Variants in NRXN3 observed in about 807,000 individuals in gnomAD.
NRXN3 encodes the protein neurexin 3, also known as neurexin III.
Under a neutral mutation model 137.6 loss-of-function variants are expected in NRXN3, and 32 were observed. The ratio of observed to expected loss-of-function variants is 0.23; its 90% confidence interval spans 0.18 to 0.31. The LOEUF is 0.31. Among genes scored for constraint, NRXN3 ranks in the 10% least tolerant of loss-of-function variants. The probability of loss-of-function intolerance (pLI) is 1.00; values close to 1 mark genes in which losing one functional copy is unlikely to be tolerated. For missense variants in NRXN3, 1,574 were observed against 2,062.5 expected, an observed-to-expected ratio of 0.76 and a Z score of 4.59; for synonymous variants, 798 against 784.5, an observed-to-expected ratio of 1.02 and a Z score of -0.29.
intron 15 of NRXN3, among the ~76,000 whole-genome samples, chr14:79,155,220 CCAATCA>C (rs1163919239): frequency 6.6e-6 from 1 of 151,862 alleles, no homozygotes; most frequent in Non-Finnish European, 1.5e-5. Context: ...AATGAAAGGA[CCAATCA>C]CAAGAAACTC....
intron 8 of NRXN3, among the ~76,000 whole-genome samples, chr14:78,760,034 C>CTTTTTTTTT (rs61320632): frequency 3.5e-5 from 3 of 86,732 alleles, no homozygotes; most frequent in Admixed American, 1.3e-4. Flanking sequence ...AGCCTGCAGT[C>CTTTTTTTTT]TTTTTTTTTT....
intron 6 of NRXN3, among the ~76,000 whole-genome samples, chr14:78,702,594 C>T (rs1048067008): frequency 2.0e-5 from 3 of 151,696 alleles, no homozygotes; most frequent in Non-Finnish European, 4.4e-5. Flanking sequence ...ACAGGCATAC[C>T]GCACCATACC....
At chr14:79,091,327 A>C (rs2049141297) in intron 15 of NRXN3, among the ~76,000 whole-genome samples, 2 of 152,172 alleles carry the variant, frequency 1.3e-5, no homozygotes. Flanking sequence ...TTGATCTAAC[A>C]GGTAATAAGA....
At chr14:79,232,251 T>TGC (rs912528397) in intron 15 of NRXN3, among the ~76,000 whole-genome samples, 16 of 152,192 alleles carry the variant, frequency 1.1e-4, no homozygotes, top group African/African-American at 3.9e-4. Context: ...TTTGTGTGTG[T>TGC]GCGCGCGCAC....
chr14:79,306,338 T>G (rs1300562115), intron 15 of NRXN3, among the ~76,000 whole-genome samples: 1 of 152,070 alleles, frequency 6.6e-6, no homozygotes, highest in African/African-American at 2.4e-5. Flanking sequence ...TATGCTTCAT[T>G]ATAATGCCAC....
At chr14:79,453,944 C>G (rs1029856202) in intron 15 of NRXN3, among the ~76,000 whole-genome samples, 1 of 152,118 alleles carries the variant, frequency 6.6e-6, no homozygotes, top group Non-Finnish European at 1.5e-5. Flanking sequence ...TCTAAATCCC[C>G]ATGGTCACAC....
chr14:79,047,987 T>C (rs1434065472), intron 15 of NRXN3, among the ~76,000 whole-genome samples: 3 of 152,160 alleles, frequency 2.0e-5, no homozygotes, highest in East Asian at 1.9e-4. Flanking sequence ...TCACATTAGC[T>C]CTTTAATAGT....
At chr14:79,849,918 G>A (rs906703709) in intron 20 of NRXN3, among the ~76,000 whole-genome samples, 10 of 152,094 alleles carry the variant, frequency 6.6e-5, no homozygotes, top group African/African-American at 1.9e-4. Context: ...TGCAGGGCTC[G>A]TTTTGTAATG....
At chr14:79,812,944 C>A (rs2099239528) in intron 20 of NRXN3, among the ~76,000 whole-genome samples, 1 of 151,958 alleles carries the variant, frequency 6.6e-6, no homozygotes, top group African/African-American at 2.4e-5. Context: ...GGGATTTATT[C>A]TTTTTATTCT....
chr14:79,765,949 C>G (rs1156761397), intron 19 of NRXN3, among the ~76,000 whole-genome samples: 1 of 152,166 alleles, frequency 6.6e-6, no homozygotes, highest in African/African-American at 2.4e-5. Context: ...CACACATGTG[C>G]ATTGACATGT....
intron 16 of NRXN3, among the ~76,000 whole-genome samples, chr14:79,516,765 T>C (rs1341412864): frequency 6.6e-6 from 1 of 152,192 alleles, no homozygotes; most frequent in Non-Finnish European, 1.5e-5. Flanking sequence ...ATACTGTATA[T>C]ATAATTCTGC....
intron 16 of NRXN3, among the ~76,000 whole-genome samples, chr14:79,615,751 TGGGGAACC>T (rs1166422146): frequency 1.3e-5 from 2 of 152,142 alleles, no homozygotes; most frequent in Non-Finnish European, 2.9e-5. Flanking sequence ...AAGAACTGCT[TGGGGAACC>T]GTCCCCATGA....
intron 4 of NRXN3, among the ~76,000 whole-genome samples, chr14:78,515,252 C>T (rs915653140): frequency 6.6e-6 from 1 of 152,144 alleles, no homozygotes; most frequent in Admixed American, 6.5e-5. Flanking sequence ...GGATGCTCAT[C>T]TTCGACCTGG....
intron 6 of NRXN3, among the ~76,000 whole-genome samples, chr14:78,692,028 TAA>T (rs961927308): frequency 9.9e-5 from 15 of 152,216 alleles, no homozygotes; most frequent in Non-Finnish European, 8.8e-5. Context: ...CCTATAAATT[TAA>T]TTATGTACTA....
intron 4 of NRXN3, chr14:78,602,448 T>C (rs1342255113): frequency 6.6e-6 from 1 of 152,228 alleles, no homozygotes; most frequent in Admixed American, 6.5e-5. Flanking sequence ...TTATTACTGA[T>C]GGCAGCAGAG....
Position 78,633,209 on chromosome 14 carries a change from C to T in NRXN3, c.758-11911C>T, listed in dbSNP as rs187232247. 2.1e-4 allele frequency among the ~76,000 whole-genome samples: 28 copies of T among 136,288 alleles called. No individual in the cohort carries two copies. The East Asian group carries it at 5.9e-3, about 29-fold the overall frequency. 89.4% of individuals were successfully genotyped at this position (136,288 alleles called of 152,430 possible). A position where few individuals can be genotyped will look rare whatever the true frequency, so the allele number is the denominator to read the frequency against. On this transcript the variant is annotated intron_variant, in intron 4 of 20. Coordinates refer to ENST00000335750, the MANE Select transcript of NRXN3 (RefSeq NM_001330195.2). Reference sequence around the variant, plus strand: ...GGCAGAGCTTGCAGTGAGCCAAGATCGCGCCACTGCACTCAGCCTGGGCTA... The same window carrying T: ...GGCAGAGCTTGCAGTGAGCCAAGATTGCGCCACTGCACTCAGCCTGGGCTA...
intron 8 of NRXN3, among the ~76,000 whole-genome samples, chr14:78,772,844 T>C (rs2098732734): frequency 6.6e-6 from 1 of 152,210 alleles, no homozygotes. Context: ...TTTAAAATTT[T>C]GTTGAAAATG....
chr14:79,798,066 A>G (rs1387852206), intron 19 of NRXN3, among the ~76,000 whole-genome samples: 1 of 151,486 alleles, frequency 6.6e-6, no homozygotes, highest in East Asian at 1.9e-4. Context: ...ACGCCCCTGC[A>G]CTCCAGCCTA....
At chr14:79,622,070 T>C (rs1407574597) in intron 16 of NRXN3, among the ~76,000 whole-genome samples, 1 of 152,162 alleles carries the variant, frequency 6.6e-6, no homozygotes, top group Non-Finnish European at 1.5e-5. Context: ...CTGAGGAACA[T>C]CATCACATTC....
Sources: gnomAD v4.1 joint callset for allele counts (sites outside exome capture counted in the v4.1 genomes callset) on GRCh38, gnomAD v4.1.1 for gene constraint, MANE v1.5 for transcripts, NCBI Gene and HGNC (gene_info 2026-07-23, HGNC 2026-07-21) for gene names.